Variants in CACNG2 observed in about 807,000 individuals in gnomAD.
CACNG2 encodes voltage-dependent calcium channel gamma-2 subunit.
A neutral mutation model predicts 25.9 loss-of-function variants in CACNG2; 3 were observed. The observed-to-expected ratio is 0.12, with a 90% CI of 0.05 to 0.30. The LOEUF is 0.30. Ranked by LOEUF, CACNG2 falls within the 10% of genes least tolerant of loss-of-function variation. The pLI is 1.00. For synonymous variants in CACNG2, 167 were observed against 173.3 expected (o/e 0.96, Z 0.29); for missense variants, 341 against 432.5 (o/e 0.79, Z 1.88).
intron 1 of CACNG2, among the ~76,000 whole-genome samples, chr22:36,650,106 C>G (rs1170892358): frequency 6.6e-6 from 1 of 152,166 alleles, no homozygotes; most frequent in East Asian, 1.9e-4. Flanking sequence ...GCCCTCTCTC[C>G]CGCTGCCACC....
intron 2 of CACNG2, among the ~76,000 whole-genome samples, chr22:36,582,547 A>G (rs1016956932): frequency 2.0e-5 from 3 of 151,946 alleles, no homozygotes; most frequent in African/African-American, 7.3e-5. Flanking sequence ...CTGGGAATAC[A>G]GGCATGCACC....
chr22:36,622,147 G>T (rs1936114552), intron 1 of CACNG2, among the ~76,000 whole-genome samples: 1 of 152,242 alleles, frequency 6.6e-6, no homozygotes, highest in Non-Finnish European at 1.5e-5. Flanking sequence ...TGTTTAGCTA[G>T]TCGGTGGAGG....
At chr22:36,632,715 G>T (rs1813837228) in intron 1 of CACNG2, among the ~76,000 whole-genome samples, 1 of 151,984 alleles carries the variant, frequency 6.6e-6, no homozygotes. Flanking sequence ...CCCTCGCTTG[G>T]TTCTCTTCCT....
At chr22:36,615,431 T>C (rs112995930) in intron 1 of CACNG2, among the ~76,000 whole-genome samples, 218 of 152,340 alleles carry the variant, frequency 1.4e-3, no homozygotes, top group African/African-American at 5.1e-3. Context: ...TCCTGATTTC[T>C]CTTTCCATAC....
intron 2 of CACNG2, among the ~76,000 whole-genome samples, chr22:36,570,428 A>C (rs1935205680): frequency 6.6e-6 from 1 of 152,096 alleles, no homozygotes. Flanking sequence ...GCCAGCCCCA[A>C]GCTCTGGCCT....
At chr22:36,569,977 G>A (rs931644676) in intron 2 of CACNG2, among the ~76,000 whole-genome samples, 5 of 152,240 alleles carry the variant, frequency 3.3e-5, no homozygotes, top group Non-Finnish European at 4.4e-5. Flanking sequence ...GCAGCTCAGA[G>A]GAACAGGCAG....
chr22:36,681,516 C>G (rs1365196120), intron 1 of CACNG2, among the ~76,000 whole-genome samples: 1 of 150,070 alleles, frequency 6.7e-6, no homozygotes, highest in African/African-American at 2.5e-5. Context: ...GAGCATCAGC[C>G]TTTGGGCAGG....
At chr22:36,688,409 G>A (rs549278907) in intron 1 of CACNG2, among the ~76,000 whole-genome samples, 40 of 152,006 alleles carry the variant, frequency 2.6e-4, no homozygotes, top group African/African-American at 9.7e-4. Flanking sequence ...GTGTGGTAGT[G>A]CACACTTGTA....
At chr22:36,610,441 A>G (rs1935923169) in intron 1 of CACNG2, among the ~76,000 whole-genome samples, 1 of 152,248 alleles carries the variant, frequency 6.6e-6, no homozygotes, top group Non-Finnish European at 1.5e-5. Context: ...CCCTGGGACA[A>G]GTGTAAAGAG....
chr22:36,631,116 A>C (rs945491027), intron 1 of CACNG2, among the ~76,000 whole-genome samples: 4 of 152,148 alleles, frequency 2.6e-5, no homozygotes, highest in African/African-American at 9.7e-5. Flanking sequence ...GGCGTGAGCC[A>C]CCGTACCCGG....
At chr22:36,616,444 C>T (rs746305108) in intron 1 of CACNG2, among the ~76,000 whole-genome samples, 21 of 152,174 alleles carry the variant, frequency 1.4e-4, no homozygotes, top group Admixed American at 3.9e-4. Flanking sequence ...CATAGTCTAG[C>T]GCCTTACGAT....
intron 1 of CACNG2, among the ~76,000 whole-genome samples, chr22:36,680,659 C>T (rs1937103931): frequency 7.0e-6 from 1 of 142,030 alleles, no homozygotes; most frequent in African/African-American, 2.6e-5. Flanking sequence ...TCACCACCAT[C>T]ACCACCATCT....
intron 1 of CACNG2, among the ~76,000 whole-genome samples, chr22:36,631,743 T>A (rs9610551): frequency 5.9e-5 from 6 of 102,310 alleles, no homozygotes; most frequent in South Asian, 3.2e-4. Flanking sequence ...AACTCTTTTT[T>A]TTTTTTTTTT....
chr22:36,674,910 T>C (rs763453797), intron 1 of CACNG2, among the ~76,000 whole-genome samples: 7 of 152,238 alleles, frequency 4.6e-5, no homozygotes, highest in Non-Finnish European at 5.9e-5. Flanking sequence ...AGTTTGATTA[T>C]AGTTCCTGCC....
chr22:36,592,513 G>A (rs981950243), intron 1 of CACNG2, among the ~76,000 whole-genome samples: 2 of 152,100 alleles, frequency 1.3e-5, no homozygotes, highest in Non-Finnish European at 2.9e-5. Flanking sequence ...TAATAGATAA[G>A]GCAAAACTAC....
intron 1 of CACNG2, among the ~76,000 whole-genome samples, chr22:36,695,835 A>T (rs1467933925): frequency 6.6e-6 from 1 of 152,122 alleles, no homozygotes; most frequent in Non-Finnish European, 1.5e-5. Context: ...ACCCTGAAGG[A>T]CGCTGCTTCC....
intron 1 of CACNG2, among the ~76,000 whole-genome samples, chr22:36,688,345 G>T (rs1414025093): frequency 2.6e-5 from 4 of 151,876 alleles, no homozygotes; most frequent in African/African-American, 9.7e-5. Flanking sequence ...AGAAATTTGA[G>T]ACCAGGCTTG....
At chr22:36,617,250 T>A (rs1400004321) in intron 1 of CACNG2, among the ~76,000 whole-genome samples, 2 of 152,234 alleles carry the variant, frequency 1.3e-5, no homozygotes, top group African/African-American at 4.8e-5. Flanking sequence ...TCTGGATAGA[T>A]GTTCCTTGGG....
Position 36,564,320 on chromosome 22 carries a change from TCCCG to T in CACNG2, c.*27_*30del, listed in dbSNP as rs1935086871. On this transcript the variant is annotated 3_prime_UTR_variant, in exon 4 of 4. Transcript: ENST00000300105. The surrounding 1 kb of genome is among the most constrained non-coding windows in gnomAD (Gnocchi z 6.7). ...CCCGCCCCCGGGGACCGCGCCCTCC[TCCCG>T]CGGTCTTCTGGCGAGGCCCGCGGTC... is the stretch of plus-strand genomic sequence containing the variant. 1 of 1,431,576 alleles carries T rather than the reference TCCCG, an allele frequency of 7.0e-7. No individual in the cohort carries two copies. The highest frequency in any genetic ancestry group is 1.5e-5 in the African/African-American group (1 of 68,690). The allele number at this position is 1,431,576 out of a possible 1,614,324, so 88.7% of individuals were successfully genotyped here.
Sources: gnomAD v4.1 joint callset for allele counts (sites outside exome capture counted in the v4.1 genomes callset) on GRCh38, gnomAD v4.1.1 for gene constraint, Gnocchi (gnomAD v3.1) non-coding constraint, MANE v1.5 for transcripts, NCBI Gene and HGNC (gene_info 2026-07-23, HGNC 2026-07-21) for gene names.